The following ANKS1B variants were observed in gnomAD, a reference collection of about 807,000 sequenced individuals.
The protein encoded by ANKS1B is ankyrin repeat and sterile alpha motif domain containing 1B, also known as ankyrin repeat and sterile alpha motif domain-containing protein 1B.
ANKS1B carries 36 observed loss-of-function variants against 148.3 expected under a neutral mutation model. The ratio of observed to expected loss-of-function variants is 0.24; its 90% CI spans 0.19 to 0.32. ANKS1B has a LOEUF of 0.32. ANKS1B is among the 10% of genes least tolerant of loss of function. The pLI is 1.00. For synonymous variants in ANKS1B, 542 were observed against 560.8 expected, an observed-to-expected ratio of 0.97 and a Z score of 0.47; for missense variants, 1,157 against 1,542.6, an observed-to-expected ratio of 0.75 and a Z score of 4.19.
intron 17 of ANKS1B, among the ~76,000 whole-genome samples, chr12:98,884,183 T>A (rs961589502): frequency 6.6e-6 from 1 of 152,220 alleles, no homozygotes; most frequent in Non-Finnish European, 1.5e-5. Context: ...AAGGAAACAC[T>A]TTACTAGTGT....
intron 11 of ANKS1B, among the ~76,000 whole-genome samples, chr12:99,435,888 A>C (rs949642965): frequency 5.3e-5 from 8 of 152,050 alleles, no homozygotes; most frequent in Admixed American, 5.2e-4. Flanking sequence ...AAAGCTTCCC[A>C]GGAAATTCAT....
intron 1 of ANKS1B, among the ~76,000 whole-genome samples, chr12:99,846,002 T>C (rs2086612463): frequency 6.6e-6 from 1 of 152,156 alleles, no homozygotes. Flanking sequence ...GTTCCATATA[T>C]TGCTCTTTAC....
chr12:98,959,230 A>G lies in ANKS1B; in HGVS notation c.2778+93927T>C, dbSNP rs147878084. ...ATGCCAGGATATGGGCATATCCAGC[A>G]CCCCACACTGATTATTTTGATTCAC... On this transcript the variant is annotated intron_variant, in intron 17 of 26. Coordinates refer to ENST00000683438, the MANE Select transcript of ANKS1B (RefSeq NM_001352186.2). Among the ~76,000 whole-genome samples the G allele has an allele frequency of 6.6e-3, 1,011 of 152,284 alleles. 44 individuals carry two copies. Among genetic ancestry groups the G allele is most frequent in the Admixed American group, 0.059 (909 of 15,304 alleles).
intron 1 of ANKS1B, among the ~76,000 whole-genome samples, chr12:99,826,784 C>T (rs950866149): frequency 6.6e-6 from 1 of 151,938 alleles, no homozygotes; most frequent in African/African-American, 2.4e-5. Context: ...CCATAAAAGA[C>T]CCCAAATAGC....
At chr12:99,646,652 CAAAAAAAAAAAAAAAAA>C (rs35481645) in intron 9 of ANKS1B, among the ~76,000 whole-genome samples, 2 of 35,882 alleles carry the variant, frequency 5.6e-5, no homozygotes, top group South Asian at 3.8e-3. Context: ...GACTCCATCT[CAAAAAAAAAAAAAAAAA>C]AAAAAAAAAA....
At chr12:99,335,171 T>C (rs1466598349) in intron 12 of ANKS1B, among the ~76,000 whole-genome samples, 1 of 152,062 alleles carries the variant, frequency 6.6e-6, no homozygotes, top group Non-Finnish European at 1.5e-5. Flanking sequence ...AGTTTTCTTC[T>C]TCAGTTTTAA....
At chr12:99,874,021 A>C (rs546750648) in intron 1 of ANKS1B, among the ~76,000 whole-genome samples, 1 of 148,382 alleles carries the variant, frequency 6.7e-6, no homozygotes, top group Non-Finnish European at 1.5e-5. Context: ...TCTCTCTCTC[A>C]CATATATATA....
chr12:99,414,224 G>A (rs2048488), intron 11 of ANKS1B, among the ~76,000 whole-genome samples: 68,756 of 151,834 alleles, frequency 0.45, 16,978 homozygotes, highest in African/African-American at 0.66. Context: ...ATATAACTCA[G>A]CCTACATAAA....
chr12:98,891,957 T>C (rs951152309), intron 17 of ANKS1B, among the ~76,000 whole-genome samples: 2 of 152,238 alleles, frequency 1.3e-5, no homozygotes, highest in African/African-American at 4.8e-5. Context: ...AAGTTACTGC[T>C]ATAAAATCCA....
At chr12:99,661,079 C>T (rs765951299) in intron 8 of ANKS1B, among the ~76,000 whole-genome samples, 1 of 152,100 alleles carries the variant, frequency 6.6e-6, no homozygotes, top group Non-Finnish European at 1.5e-5. Flanking sequence ...GAATTCTTAA[C>T]AGAACCCGTT....
intron 12 of ANKS1B, among the ~76,000 whole-genome samples, chr12:99,394,969 T>C (rs182072810): frequency 6.6e-6 from 1 of 152,306 alleles, no homozygotes; most frequent in East Asian, 1.9e-4. Flanking sequence ...GGAAATTCAT[T>C]CTTACAGTTG....
intron 17 of ANKS1B, among the ~76,000 whole-genome samples, chr12:98,874,725 G>T (rs998917447): frequency 6.6e-6 from 1 of 152,106 alleles, no homozygotes; most frequent in Non-Finnish European, 1.5e-5. Flanking sequence ...TGTATGTTTA[G>T]AAAAGTAAAT....
At chr12:99,545,692 A>G (rs1230117294) in intron 9 of ANKS1B, among the ~76,000 whole-genome samples, 1 of 151,500 alleles carries the variant, frequency 6.6e-6, no homozygotes, top group Admixed American at 6.6e-5. Flanking sequence ...AGAATTTATC[A>G]TCATAAGATC....
chr12:98,955,019 T>C (rs1374975260), intron 17 of ANKS1B, among the ~76,000 whole-genome samples: 3 of 151,192 alleles, frequency 2.0e-5, no homozygotes, highest in Non-Finnish European at 4.4e-5. Flanking sequence ...ATTGTATCTA[T>C]AGAATAGAAT....
At chr12:99,287,423 C>T (rs2079287661) in intron 12 of ANKS1B, among the ~76,000 whole-genome samples, 1 of 152,138 alleles carries the variant, frequency 6.6e-6, no homozygotes, top group Non-Finnish European at 1.5e-5. Flanking sequence ...CTTGGAAAGC[C>T]TTCCCAAGAA....
intron 17 of ANKS1B, among the ~76,000 whole-genome samples, chr12:98,954,697 C>T (rs2099859511): frequency 6.6e-6 from 1 of 152,120 alleles, no homozygotes; most frequent in Non-Finnish European, 1.5e-5. Flanking sequence ...AATATGAGAA[C>T]AGATGATGTC....
At chr12:99,940,078 G>A (rs1233421555) in intron 1 of ANKS1B, among the ~76,000 whole-genome samples, 1 of 152,120 alleles carries the variant, frequency 6.6e-6, no homozygotes, top group Non-Finnish European at 1.5e-5. Flanking sequence ...ATTAGTAAAT[G>A]CATAAGCACA....
chr12:99,269,701 G>T (rs2076828923), intron 12 of ANKS1B, among the ~76,000 whole-genome samples: 2 of 152,106 alleles, frequency 1.3e-5, no homozygotes, highest in African/African-American at 2.4e-5. Flanking sequence ...TGGGACCACA[G>T]GCGCCCGCCA....
chr12:99,195,166 T>C (rs1458931687), intron 14 of ANKS1B, among the ~76,000 whole-genome samples: 1 of 152,140 alleles, frequency 6.6e-6, no homozygotes, highest in African/African-American at 2.4e-5. Flanking sequence ...GCCAATATAT[T>C]AGATGGTGGA....
Sources: allele counts gnomAD v4.1 joint callset (sites outside exome capture counted in the v4.1 genomes callset), GRCh38; gene constraint gnomAD v4.1.1; transcripts MANE v1.5; gene names NCBI Gene and HGNC (gene_info 2026-07-23, HGNC 2026-07-21).